The following CCDC93 variants were observed in gnomAD, a reference collection of about 807,000 sequenced individuals.
CCDC93 encodes coiled-coil domain-containing protein 93.
Under a neutral mutation model 108.2 loss-of-function variants are expected in CCDC93, and 61 were observed. The observed-to-expected ratio is 0.56, with a 90% CI of 0.46 to 0.70. CCDC93 has a LOEUF of 0.70. CCDC93 is among the 30% of genes least tolerant of loss of function. The pLI, the probability that CCDC93 is intolerant of heterozygous loss-of-function variation, is 0.00. For missense variants in CCDC93, 685 were observed against 764.2 expected (o/e 0.90, Z 1.22); for synonymous variants, 276 against 260.4 (o/e 1.06, Z -0.58).
At chr2:117,974,818 C>T (rs763720162) in intron 10 of CCDC93, 32 bp downstream of exon 10, 14 of 1,539,786 alleles carry the variant, frequency 9.1e-6, no homozygotes, top group African/African-American at 2.7e-5. Flanking sequence ...GTGCCAAGTC[C>T]CCATCCCCAC....
intron 20 of CCDC93, among the ~76,000 whole-genome samples, chr2:117,937,191 G>A (rs547055827): frequency 2.0e-5 from 3 of 152,220 alleles, no homozygotes; most frequent in East Asian, 1.9e-4. Flanking sequence ...GAATCTTCTC[G>A]CCAATGCAAC....
Position 117,996,310 on chromosome 2 carries a change from C to A in CCDC93, c.416G>T (p.Arg139Leu). The A allele has an allele frequency of 6.2e-7, 1 of 1,613,474 alleles. No individual in the cohort carries two copies. Among genetic ancestry groups the A allele is most frequent in the African/African-American group, 1.3e-5 (1 of 75,010 alleles). ...ETKEEMGDYI[R>L]SYSVSQFQKT... ...CTGGAACTGGGATACAGAGTAGGAG[C>A]GGATATAGTCACCCATCTCTTCTTT... is the stretch of plus-strand genomic sequence containing the variant. The change falls in exon 5 of 24, where the codon CGC becomes CTC. Residue 139 changes from arginine (R) to leucine (L), a missense_variant. Arg to Leu is a moderately radical substitution (Grantham distance 102). Coordinates refer to ENST00000376300, the MANE Select transcript of CCDC93 (RefSeq NM_019044.5).
intron 8 of CCDC93, among the ~76,000 whole-genome samples, 164 bp downstream of exon 8, chr2:117,977,830 T>C (rs1679991476): frequency 6.6e-6 from 1 of 152,094 alleles, no homozygotes; most frequent in Admixed American, 6.5e-5. Flanking sequence ...TCTGTAGAGG[T>C]GGCTAGCTAG....
chr2:117,969,053 T>G (rs1018839664), intron 11 of CCDC93, among the ~76,000 whole-genome samples: 11 of 152,238 alleles, frequency 7.2e-5, no homozygotes, highest in African/African-American at 2.7e-4. Flanking sequence ...TGCCTTTGTG[T>G]AACCCCTTTC....
intron 9 of CCDC93, 103 bp downstream of exon 9, chr2:117,975,085 G>A (rs1046599917): frequency 1.8e-6 from 2 of 1,099,152 alleles, no homozygotes; most frequent in African/African-American, 1.5e-5. Context: ...ACAGCAGCTG[G>A]CTGTGGGAGG....
At chr2:117,984,392 G>T (rs1680250711) in intron 7 of CCDC93, among the ~76,000 whole-genome samples, 1 of 152,144 alleles carries the variant, frequency 6.6e-6, no homozygotes. Flanking sequence ...TCCTAAAGAG[G>T]CCAAGCCAGA....
intron 11 of CCDC93, among the ~76,000 whole-genome samples, chr2:117,967,412 T>A (rs911449286): frequency 6.6e-6 from 1 of 152,268 alleles, no homozygotes; most frequent in African/African-American, 2.4e-5. Flanking sequence ...CTTAGGTTTA[T>A]GGTGTGTGAG....
At chr2:117,994,055 C>G (rs900994518) in intron 6 of CCDC93, among the ~76,000 whole-genome samples, 2 of 152,152 alleles carry the variant, frequency 1.3e-5, no homozygotes, top group African/African-American at 4.8e-5. Context: ...TAACAGCATA[C>G]AAAAGCCCCT....
At chr2:117,931,971 T>C (rs1242819454) in intron 22 of CCDC93, among the ~76,000 whole-genome samples, 2 of 152,148 alleles carry the variant, frequency 1.3e-5, no homozygotes, top group Admixed American at 1.3e-4. Flanking sequence ...AGATTCACAT[T>C]AAGCAAGCAC....
At chr2:118,010,234 C>A (rs1676988839) in intron 1 of CCDC93, among the ~76,000 whole-genome samples, 1 of 152,182 alleles carries the variant, frequency 6.6e-6, no homozygotes. Context: ...GGATTACAGG[C>A]ATGAGCCATC....
chr2:117,966,839 G>T (rs1298356233), intron 11 of CCDC93, among the ~76,000 whole-genome samples: 1 of 152,188 alleles, frequency 6.6e-6, no homozygotes, highest in Non-Finnish European at 1.5e-5. Context: ...CAGAGGCAAT[G>T]GTGCCAGAAT....
At chr2:117,925,372 A>T (rs1371432051) in intron 23 of CCDC93, among the ~76,000 whole-genome samples, 1 of 152,202 alleles carries the variant, frequency 6.6e-6, no homozygotes, top group African/African-American at 2.4e-5. Flanking sequence ...GTATTTAGGA[A>T]ACCCATCTCA....
At position 118,013,945 on chromosome 2, in the gene CCDC93, C is replaced by G. The variant is rs1281743716; in HGVS notation, c.42+9G>C. 6.3e-6 allele frequency: 10 copies of G among 1,584,684 alleles called. No homozygotes were observed. The highest frequency in any genetic ancestry group is 8.6e-6 in the Non-Finnish European group (10 of 1,166,792). The stretch of plus-strand genomic sequence containing the variant: ...CCCGACGTGTCAGGGAAGGAGGAGG[C>G]GTTCTTACCTCCGGGAGACCCTGGC... On this transcript the variant is annotated intron_variant, in intron 1 of 23. Transcript: ENST00000376300.
chr2:118,001,426 T>C (rs1032522709), intron 3 of CCDC93, among the ~76,000 whole-genome samples: 8 of 152,178 alleles, frequency 5.3e-5, no homozygotes, highest in Non-Finnish European at 7.4e-5. Flanking sequence ...CAAAAGAGAT[T>C]TGGAGTTCTC....
chr2:117,985,524 A>ATTT, intron 7 of CCDC93: 1 of 364,870 alleles, frequency 2.7e-6, no homozygotes, highest in Non-Finnish European at 3.3e-6. Flanking sequence ...ATAAAATAAG[A>ATTT]TTTTTTTTTT....
intron 1 of CCDC93, among the ~76,000 whole-genome samples, chr2:118,010,174 T>C (rs4849658): frequency 0.97 from 147,341 of 151,996 alleles, 71,601 homozygotes; most frequent in Middle Eastern, 1. Context: ...CCAGGATAGT[T>C]TCGATCTCCT....
intron 15 of CCDC93, among the ~76,000 whole-genome samples, chr2:117,947,445 G>A (rs182852661): frequency 1.6e-4 from 24 of 152,254 alleles, no homozygotes; most frequent in African/African-American, 5.5e-4. Flanking sequence ...TCCAGAAGAT[G>A]ACAGCCAGGA....
chr2:117,968,938 C>G (rs1266707907), intron 11 of CCDC93, among the ~76,000 whole-genome samples: 2 of 152,118 alleles, frequency 1.3e-5, no homozygotes, highest in African/African-American at 4.8e-5. Context: ...TGCCAGTGTC[C>G]AGTTTCAGCC....
At chr2:117,928,659 G>T (rs1678211740) in intron 23 of CCDC93, among the ~76,000 whole-genome samples, 1 of 152,216 alleles carries the variant, frequency 6.6e-6, no homozygotes, top group South Asian at 2.1e-4. Context: ...TACACTGTTG[G>T]TGGGACTGTA....
Sources: allele counts gnomAD v4.1 joint callset (sites outside exome capture counted in the v4.1 genomes callset), GRCh38; gene constraint gnomAD v4.1.1; transcripts MANE v1.5; gene names NCBI Gene and HGNC (gene_info 2026-07-23, HGNC 2026-07-21).